Variants in GNAQ observed in about 807,000 individuals in gnomAD.
The protein encoded by GNAQ is guanine nucleotide-binding protein G(q) subunit alpha.
Under a neutral mutation model 43.9 loss-of-function variants are expected in GNAQ, and 8 were observed. The observed-to-expected ratio is 0.18, with a 90% CI of 0.11 to 0.33. GNAQ has a LOEUF of 0.33. Ranked by LOEUF, GNAQ falls within the 10% of genes least tolerant of loss-of-function variation. The pLI is 1.00. For synonymous variants in GNAQ, 155 were observed against 170.7 expected (o/e 0.91, Z 0.71); for missense variants, 158 against 450.8 (o/e 0.35, Z 5.88).
chr9:78,008,604 C>A (rs545543646), intron 1 of GNAQ, among the ~76,000 whole-genome samples: 3 of 140,220 alleles, frequency 2.1e-5, no homozygotes, highest in African/African-American at 8.6e-5. Flanking sequence ...CATTTCATTT[C>A]ATTTCATTTC....
At chr9:77,864,192 A>C (rs561384328) in intron 2 of GNAQ, among the ~76,000 whole-genome samples, 1 of 149,646 alleles carries the variant, frequency 6.7e-6, no homozygotes, top group Non-Finnish European at 1.5e-5. Flanking sequence ...TTTTTAAACA[A>C]TTAGTTCTCT....
intron 1 of GNAQ, among the ~76,000 whole-genome samples, chr9:77,955,433 G>A (rs1256763431): frequency 2.0e-5 from 3 of 152,222 alleles, no homozygotes; most frequent in East Asian, 3.9e-4. Context: ...GAGCCACTGC[G>A]CCGAGCCAAG....
intron 5 of GNAQ, among the ~76,000 whole-genome samples, chr9:77,739,574 G>A (rs1486235530): frequency 6.6e-6 from 1 of 152,166 alleles, no homozygotes; most frequent in Non-Finnish European, 1.5e-5. Flanking sequence ...TCCTAACTTA[G>A]AAAACAGTTC....
chr9:77,840,253 A>G (rs1024467916), intron 2 of GNAQ, among the ~76,000 whole-genome samples: 1 of 152,216 alleles, frequency 6.6e-6, no homozygotes, highest in African/African-American at 2.4e-5. Flanking sequence ...CCTTCAAAAA[A>G]CAATGAATGA....
chr9:77,987,259 T>C (rs370963246), intron 1 of GNAQ, among the ~76,000 whole-genome samples: 2 of 152,156 alleles, frequency 1.3e-5, no homozygotes, highest in African/African-American at 4.8e-5. Context: ...GAGTATCTCT[T>C]TGGGTCTGCA....
chr9:77,952,008 G>A (rs1053450548), intron 1 of GNAQ, among the ~76,000 whole-genome samples: 4 of 152,144 alleles, frequency 2.6e-5, no homozygotes, highest in South Asian at 2.1e-4. Flanking sequence ...AGCTTCAGCC[G>A]AAAGGCATTC....
intron 1 of GNAQ, among the ~76,000 whole-genome samples, chr9:77,995,873 ATT>A (rs1003288037): frequency 6.6e-6 from 1 of 152,198 alleles, no homozygotes; most frequent in African/African-American, 2.4e-5. Context: ...TAAAATGAAA[ATT>A]TGTTTTCATT....
intron 1 of GNAQ, among the ~76,000 whole-genome samples, chr9:77,927,325 G>A (rs895042673): frequency 2.1e-4 from 32 of 152,150 alleles, no homozygotes; most frequent in Middle Eastern, 3.2e-3. Context: ...ATTTATTGTT[G>A]AAAGCAATCG....
At chr9:77,778,206 T>C (rs1488003943) in intron 5 of GNAQ, among the ~76,000 whole-genome samples, 1 of 110,914 alleles carries the variant, frequency 9.0e-6, no homozygotes, top group Admixed American at 1.2e-4. Context: ...TACATAGTTT[T>C]ACACGTTTAC....
At chr9:77,738,745 C>CAACT (rs1380471667) in intron 5 of GNAQ, among the ~76,000 whole-genome samples, 1 of 152,132 alleles carries the variant, frequency 6.6e-6, no homozygotes, top group African/African-American at 2.4e-5. Context: ...TATTTAACTT[C>CAACT]AACTAACTAA....
At chr9:77,883,644 C>G (rs4745673) in intron 2 of GNAQ, among the ~76,000 whole-genome samples, 1 of 150,492 alleles carries the variant, frequency 6.6e-6, no homozygotes, top group Non-Finnish European at 1.5e-5. Flanking sequence ...CTTGCCCCCG[C>G]CCCCACTCTC....
chr9:77,774,680 C>G (rs1349539691), intron 5 of GNAQ, among the ~76,000 whole-genome samples: 1 of 152,144 alleles, frequency 6.6e-6, no homozygotes, highest in Non-Finnish European at 1.5e-5. Context: ...CCAGGTTGGA[C>G]TCCAACTCCT....
intron 5 of GNAQ, among the ~76,000 whole-genome samples, chr9:77,771,818 A>G (rs1826227011): frequency 1.3e-5 from 2 of 152,078 alleles, no homozygotes; most frequent in East Asian, 1.9e-4. Context: ...ATTTATGGCT[A>G]TGGTTGTTTC....
At chr9:77,924,855 T>A (rs1456946759) in intron 1 of GNAQ, among the ~76,000 whole-genome samples, 1 of 152,032 alleles carries the variant, frequency 6.6e-6, no homozygotes, top group Non-Finnish European at 1.5e-5. Context: ...AACCATCTCA[T>A]CTTGCTGGGT....
chr9:77,766,374 G>A (rs561721941), intron 5 of GNAQ, among the ~76,000 whole-genome samples: 2 of 152,084 alleles, frequency 1.3e-5, no homozygotes, highest in Non-Finnish European at 2.9e-5. Context: ...AGCTTGTAAA[G>A]TACATATTAG....
intron 2 of GNAQ, among the ~76,000 whole-genome samples, chr9:77,887,109 G>A (rs1412176030): frequency 2.0e-5 from 3 of 152,178 alleles, no homozygotes; most frequent in African/African-American, 7.2e-5. Flanking sequence ...ATGACACAGA[G>A]AGACTCTGTC....
At chr9:77,938,225 T>C (rs374944053) in intron 1 of GNAQ, among the ~76,000 whole-genome samples, 4 of 152,216 alleles carry the variant, frequency 2.6e-5, no homozygotes, top group African/African-American at 9.6e-5. Flanking sequence ...TACTTATTTT[T>C]AAGTATTTTG....
At chr9:77,761,108 A>AGG (rs1826003135) in intron 5 of GNAQ, among the ~76,000 whole-genome samples, 1 of 150,830 alleles carries the variant, frequency 6.6e-6, no homozygotes. Flanking sequence ...CCTGTCCAGG[A>AGG]GGGAGGTGGG....
At chr9:77,959,498 T>G (rs1823081714) in intron 1 of GNAQ, among the ~76,000 whole-genome samples, 1 of 152,246 alleles carries the variant, frequency 6.6e-6, no homozygotes, top group South Asian at 2.1e-4. Flanking sequence ...AGTCAGGATT[T>G]TATAGAAATA....
Sources: gnomAD v4.1 joint callset for allele counts (sites outside exome capture counted in the v4.1 genomes callset) on GRCh38, gnomAD v4.1.1 for gene constraint, MANE v1.5 for transcripts, NCBI Gene and HGNC (gene_info 2026-07-23, HGNC 2026-07-21) for gene names.